Variants in MRPS28 observed in about 807,000 individuals in gnomAD.
MRPS28 encodes small ribosomal subunit protein bS1m.
In MRPS28, 7 loss-of-function variants were observed where a neutral mutation model predicts 10.8. That is an observed-to-expected ratio of 0.65 (90% CI 0.37 to 1.22). The LOEUF (loss-of-function observed/expected upper bound fraction) is 1.22, where lower values mean the gene tolerates loss of function less well. MRPS28 is among the 50% of genes most tolerant of loss of function. The pLI is 0.02. For synonymous variants in MRPS28, 121 were observed against 93.3 expected (o/e 1.30, Z -1.71); for missense variants, 265 against 232.9 (o/e 1.14, Z -0.90).
At chr8:79,958,315 C>G in intron 2 of MRPS28, 1 of 683,244 alleles carries the variant, frequency 1.5e-6, no homozygotes, top group South Asian at 1.6e-5. Context: ...CAGGGTTCAT[C>G]CATGTTGTAT....
At chr8:80,029,475 C>T (rs1809586980) in intron 1 of MRPS28, among the ~76,000 whole-genome samples, 1 of 152,022 alleles carries the variant, frequency 6.6e-6, no homozygotes, top group African/African-American at 2.4e-5. Context: ...CTGAGACAAA[C>T]GGAGATTTTA....
chr8:79,988,955 TAGA>T (rs1241400494), intron 2 of MRPS28, among the ~76,000 whole-genome samples: 1 of 152,028 alleles, frequency 6.6e-6, no homozygotes, highest in Non-Finnish European at 1.5e-5. Flanking sequence ...AACAGAGAAG[TAGA>T]AGGAGAATCA....
intron 2 of MRPS28, among the ~76,000 whole-genome samples, chr8:79,982,721 C>T (rs936919841): frequency 2.0e-5 from 3 of 152,196 alleles, no homozygotes; most frequent in Non-Finnish European, 2.9e-5. Context: ...GACGGGCACC[C>T]GCCATTGCCC....
At chr8:80,029,005 AAC>A (rs942768500) in intron 1 of MRPS28, among the ~76,000 whole-genome samples, 4 of 152,086 alleles carry the variant, frequency 2.6e-5, no homozygotes, top group African/African-American at 9.7e-5. Flanking sequence ...AAAAGTAGAA[AAC>A]AGAGGCAGAA....
At chr8:79,949,026 C>T (rs1354059286) in intron 2 of MRPS28, among the ~76,000 whole-genome samples, 25 of 152,070 alleles carry the variant, frequency 1.6e-4, no homozygotes, top group Admixed American at 1.6e-3. Flanking sequence ...TGTGTTTACT[C>T]CTGTTTGACA....
intron 2 of MRPS28, among the ~76,000 whole-genome samples, chr8:79,951,522 C>T (rs1807079829): frequency 6.6e-6 from 1 of 152,190 alleles, no homozygotes; most frequent in Non-Finnish European, 1.5e-5. Context: ...CCCACCCCTA[C>T]CTTGGGCCCT....
chr8:79,978,046 A>C (rs1445549981), intron 2 of MRPS28, among the ~76,000 whole-genome samples: 1 of 152,160 alleles, frequency 6.6e-6, no homozygotes, highest in Non-Finnish European at 1.5e-5. Flanking sequence ...ATCACATCAT[A>C]ATGTAATTAG....
intron 2 of MRPS28, among the ~76,000 whole-genome samples, chr8:79,997,884 G>A (rs976152502): frequency 5.3e-5 from 8 of 151,792 alleles, no homozygotes; most frequent in African/African-American, 1.9e-4. Flanking sequence ...GCAAAACCCT[G>A]TCTCCACTAA....
chr8:79,923,124 A>G (rs1466635115), intron 2 of MRPS28, among the ~76,000 whole-genome samples: 1 of 152,166 alleles, frequency 6.6e-6, no homozygotes, highest in Non-Finnish European at 1.5e-5. Flanking sequence ...CTATATGTTT[A>G]TATGCATATA....
intron 1 of MRPS28, among the ~76,000 whole-genome samples, chr8:80,010,380 T>C (rs551531548): frequency 3.9e-5 from 6 of 152,216 alleles, no homozygotes; most frequent in Non-Finnish European, 7.3e-5. Context: ...GTAAAGCACA[T>C]TTACTTTTAA....
intron 2 of MRPS28, among the ~76,000 whole-genome samples, chr8:79,960,823 G>A (rs997410940): frequency 6.6e-6 from 1 of 151,998 alleles, no homozygotes; most frequent in Admixed American, 6.6e-5. Context: ...TCCCAGAGCC[G>A]CTGCTGTTCA....
rs1391049803 is a variant in MRPS28 at position 79,918,815 on chromosome 8, T to TG, written c.*164dup. On this transcript the variant is annotated 3_prime_UTR_variant, in exon 3 of 3. Transcript: ENST00000276585. ...AAAACATTAAGAGCAAAACAAGGGG[T>TG]GGGGGGTGGGAATATTGCTAAAGAA... 5 of 288,580 alleles carry TG rather than the reference T, an allele frequency of 1.7e-5. No homozygotes were observed. The highest frequency in any genetic ancestry group is 3.2e-5 in the African/African-American group (1 of 31,188). The allele number at this position is 288,580 out of a possible 1,614,324, so 17.9% of individuals were successfully genotyped here.
At chr8:80,005,811 C>T (rs1322871375) in intron 1 of MRPS28, among the ~76,000 whole-genome samples, 1 of 151,668 alleles carries the variant, frequency 6.6e-6, no homozygotes, top group South Asian at 2.1e-4. Context: ...AAATGGAAAA[C>T]AAAAAAAGGC....
chr8:79,976,988 A>T (rs1168005094), intron 2 of MRPS28, among the ~76,000 whole-genome samples: 1 of 152,132 alleles, frequency 6.6e-6, no homozygotes. Context: ...TGTCATTTGT[A>T]AGAGTGAAAA....
chr8:79,997,421 C>CT (rs1808529562), intron 2 of MRPS28, among the ~76,000 whole-genome samples: 1 of 152,224 alleles, frequency 6.6e-6, no homozygotes, highest in Admixed American at 6.5e-5. Flanking sequence ...AATACCCACA[C>CT]TGCAAGGTCT....
intron 1 of MRPS28, 31 bp from the exon 2 acceptor site, chr8:80,003,211 A>G: frequency 7.1e-7 from 1 of 1,402,208 alleles, no homozygotes; most frequent in Non-Finnish European, 9.5e-7. Flanking sequence ...TTATATACAT[A>G]TAACTCAACA....
At chr8:79,944,866 TG>T (rs1187515576) in intron 2 of MRPS28, among the ~76,000 whole-genome samples, 1 of 151,974 alleles carries the variant, frequency 6.6e-6, no homozygotes, top group Non-Finnish European at 1.5e-5. Flanking sequence ...GCTATTTTTT[TG>T]TATTTTTAGT....
intron 2 of MRPS28, among the ~76,000 whole-genome samples, chr8:79,969,337 A>G (rs1275563135): frequency 6.6e-6 from 1 of 152,200 alleles, no homozygotes; most frequent in Non-Finnish European, 1.5e-5. Context: ...CAATTTGGAA[A>G]TCTTAGACAA....
At chr8:80,007,002 C>A (rs1808868024) in intron 1 of MRPS28, among the ~76,000 whole-genome samples, 1 of 152,202 alleles carries the variant, frequency 6.6e-6, no homozygotes, top group Non-Finnish European at 1.5e-5. Context: ...CCTTGATGAA[C>A]ATCGATGCAA....
Sources: gnomAD v4.1 joint callset for allele counts (sites outside exome capture counted in the v4.1 genomes callset) on GRCh38, gnomAD v4.1.1 for gene constraint, MANE v1.5 for transcripts, NCBI Gene and HGNC (gene_info 2026-07-23, HGNC 2026-07-21) for gene names.